The following USP24 variants were observed in gnomAD, a reference collection of about 807,000 sequenced individuals.
USP24 encodes the protein ubiquitin carboxyl-terminal hydrolase 24.
USP24 carries 97 observed loss-of-function variants against 361.6 expected under a neutral mutation model. The ratio of observed to expected loss-of-function variants is 0.27; its 90% CI spans 0.23 to 0.32. The LOEUF (loss-of-function observed/expected upper bound fraction) is 0.32. Ranked by LOEUF, USP24 falls within the 10% of genes least tolerant of loss-of-function variation. The pLI is 1.00. For synonymous variants in USP24, 1,098 were observed against 1,124.6 expected (o/e 0.98, Z 0.47); for missense variants, 2,353 against 3,165.6 (o/e 0.74, Z 6.16).
chr1:55,069,453 G>A (rs1248438390), intron 67 of USP24, among the ~76,000 whole-genome samples: 1 of 152,196 alleles, frequency 6.6e-6, no homozygotes, highest in African/African-American at 2.4e-5. Context: ...GAGCCTCCCT[G>A]CCCTGCACCT....
At chr1:55,073,794 C>A in intron 64 of USP24, 34 bp downstream of exon 64, 1 of 1,539,068 alleles carries the variant, frequency 6.5e-7, no homozygotes, top group South Asian at 1.2e-5. Context: ...AATTAAAACA[C>A]CATTTCCTCC....
intron 59 of USP24, among the ~76,000 whole-genome samples, chr1:55,079,860 G>A (rs1645112553): frequency 6.7e-6 from 1 of 150,348 alleles, no homozygotes; most frequent in African/African-American, 2.4e-5. Flanking sequence ...GAGTACTCGT[G>A]CACACTGAGC....
intron 67 of USP24, among the ~76,000 whole-genome samples, chr1:55,069,841 C>T (rs983705174): frequency 1.5e-5 from 2 of 130,982 alleles, no homozygotes; most frequent in Non-Finnish European, 3.1e-5. Context: ...CCACTGCACT[C>T]CAGCCTGGGT....
chr1:55,128,230 C>T (rs1455782970), intron 32 of USP24, among the ~76,000 whole-genome samples: 3 of 152,176 alleles, frequency 2.0e-5, no homozygotes, highest in Non-Finnish European at 2.9e-5. Context: ...CATTCTGTCA[C>T]TGCCCTTCAT....
At chr1:55,145,257 A>G (rs1646997882) in intron 20 of USP24, among the ~76,000 whole-genome samples, 1 of 152,226 alleles carries the variant, frequency 6.6e-6, no homozygotes, top group Non-Finnish European at 1.5e-5. Flanking sequence ...CAACAATCAA[A>G]ATGTCCATTA....
In USP24 at chr1:55,101,943, ATTTG is replaced by A. The variant is rs1026957412; in HGVS notation, c.5026-244_5026-241del. Among the ~76,000 whole-genome samples, 21 of 152,250 alleles carry A rather than the reference ATTTG, an allele frequency of 1.4e-4. No homozygotes were observed. In the East Asian group the frequency reaches 3.5e-3, roughly 25 times the overall value. ...TAAAATACCTGGCAGATAGGTGTGT[ATTTG>A]TTTATTTATATAATTACTTGATTAT... On this transcript the variant is annotated intron_variant, in intron 42 of 67. Coordinates refer to ENST00000294383, the MANE Select transcript of USP24 (RefSeq NM_015306.3).
At chr1:55,211,947 T>C (rs1644856427) in intron 1 of USP24, among the ~76,000 whole-genome samples, 1 of 152,248 alleles carries the variant, frequency 6.6e-6, no homozygotes, top group African/African-American at 2.4e-5. Flanking sequence ...ATATAATAGC[T>C]GACAATCTTC....
Position 55,106,241 on chromosome 1 carries a change from C to T in USP24, c.4785G>A (p.Leu1595=). 6.2e-7 allele frequency: 1 copy of T among 1,613,210 alleles called. No individual in the cohort carries two copies. ...AAGCTCGGAAAAGGAAGTCATCTAA[C>T]AATGGTTTAATGAGTGATGAACCTG... ...EMLGSSLIKP[L]LDDFLFRASR... Residue 1595 remains leucine, a synonymous_variant, in exon 41 of 68, where the codon TTG becomes TTA. Transcript: ENST00000294383.
At chr1:55,175,241 T>G (rs1029477907) in intron 3 of USP24, among the ~76,000 whole-genome samples, 4 of 145,016 alleles carry the variant, frequency 2.8e-5, no homozygotes, top group African/African-American at 1.0e-4. Flanking sequence ...TTTTTTTTTT[T>G]TTTGAGACGG....
intron 3 of USP24, among the ~76,000 whole-genome samples, chr1:55,174,893 A>T (rs557547108): frequency 6.6e-6 from 1 of 152,306 alleles, no homozygotes; most frequent in Non-Finnish European, 1.5e-5. Context: ...GGCCTCACAA[A>T]GTGCTGGGAT....
intron 1 of USP24, among the ~76,000 whole-genome samples, chr1:55,190,491 G>A (rs1644258030): frequency 6.6e-6 from 1 of 152,194 alleles, no homozygotes. Flanking sequence ...AAGCAGCTCA[G>A]TATCGTTCTA....
chr1:55,199,405 A>G (rs2100911002), intron 1 of USP24, among the ~76,000 whole-genome samples: 1 of 152,340 alleles, frequency 6.6e-6, no homozygotes, highest in South Asian at 2.1e-4. Context: ...TTGCAGTATA[A>G]GTGGAGAATT....
At chr1:55,095,501 C>G in intron 50 of USP24, 105 bp from the exon 51 acceptor site, 1 of 1,297,550 alleles carries the variant, frequency 7.7e-7, no homozygotes, top group Non-Finnish European at 1.0e-6. Flanking sequence ...TAACTACTCC[C>G]TAAGTTTGTA....
chr1:55,171,056 T>C (rs562403916), intron 5 of USP24, among the ~76,000 whole-genome samples: 1 of 152,340 alleles, frequency 6.6e-6, no homozygotes, highest in South Asian at 2.1e-4. Flanking sequence ...AAGGACTGTT[T>C]AGATTATCTA....
intron 1 of USP24, among the ~76,000 whole-genome samples, chr1:55,200,979 A>G (rs555691310): frequency 6.6e-6 from 1 of 152,388 alleles, no homozygotes; most frequent in South Asian, 2.1e-4. Flanking sequence ...TTAATGTGTT[A>G]CATCCAAAAT....
intron 1 of USP24, among the ~76,000 whole-genome samples, chr1:55,213,215 G>A (rs1166131016): frequency 1.3e-5 from 2 of 152,180 alleles, no homozygotes; most frequent in Admixed American, 1.3e-4. Context: ...CCAATGAGAA[G>A]CTGATTTCTT....
At chr1:55,133,442 T>G (rs1646647210) in intron 30 of USP24, among the ~76,000 whole-genome samples, 1 of 151,990 alleles carries the variant, frequency 6.6e-6, no homozygotes, top group Non-Finnish European at 1.5e-5. Flanking sequence ...ACAACTAGAG[T>G]CTGATCTGGG....
intron 16 of USP24, among the ~76,000 whole-genome samples, chr1:55,149,897 C>T (rs949943575): frequency 6.6e-6 from 1 of 152,188 alleles, no homozygotes; most frequent in East Asian, 1.9e-4. Flanking sequence ...GCAACACTAA[C>T]TAACCAGTTG....
intron 28 of USP24, among the ~76,000 whole-genome samples, chr1:55,136,456 G>C (rs1570505718): frequency 6.6e-6 from 1 of 152,174 alleles, no homozygotes; most frequent in African/African-American, 2.4e-5. Flanking sequence ...CTTATGTTTA[G>C]TAAGATCCTG....
Sources: allele counts gnomAD v4.1 joint callset (sites outside exome capture counted in the v4.1 genomes callset), GRCh38; gene constraint gnomAD v4.1.1; transcripts MANE v1.5; gene names NCBI Gene and HGNC (gene_info 2026-07-23, HGNC 2026-07-21).